Variants in TTC7A observed in about 807,000 individuals in gnomAD.
TTC7A encodes tetratricopeptide repeat protein 7A.
TTC7A carries 110 observed loss-of-function variants against 103.7 expected under a neutral mutation model. That is an observed-to-expected ratio of 1.06 (90% CI 0.91 to 1.24). The LOEUF (loss-of-function observed/expected upper bound fraction) is 1.24, where lower values mean the gene tolerates loss of function less well. Ranked by LOEUF, TTC7A falls within the 50% of genes most tolerant of loss-of-function variation. The pLI, the probability that TTC7A is intolerant of heterozygous loss-of-function variation, is 0.00. For missense variants in TTC7A, 1,340 were observed against 1,116.3 expected, an observed-to-expected ratio of 1.20 and a Z score of -2.86; for synonymous variants, 521 against 467.9, an observed-to-expected ratio of 1.11 and a Z score of -1.47.
intron 3 of TTC7A, among the ~76,000 whole-genome samples, chr2:46,963,081 C>T (rs141171962): frequency 4.9e-4 from 74 of 152,328 alleles, no homozygotes; most frequent in African/African-American, 1.8e-3. Context: ...ACCCCTGGCT[C>T]TCTCGCAGTG....
At chr2:47,032,330 T>C (rs1433956010) in intron 15 of TTC7A, among the ~76,000 whole-genome samples, 1 of 152,222 alleles carries the variant, frequency 6.6e-6, no homozygotes, top group African/African-American at 2.4e-5. Context: ...CTGTGCTGGT[T>C]GTCAATGTGC....
At chr2:46,957,247 T>A (rs1175597690) in intron 3 of TTC7A, among the ~76,000 whole-genome samples, 1 of 152,262 alleles carries the variant, frequency 6.6e-6, no homozygotes, top group African/African-American at 2.4e-5. Flanking sequence ...CCCTACTTTG[T>A]GTACCCTTGG....
At chr2:47,006,336 A>C (rs1677378285) in intron 9 of TTC7A, among the ~76,000 whole-genome samples, 1 of 152,248 alleles carries the variant, frequency 6.6e-6, no homozygotes, top group Admixed American at 6.5e-5. Context: ...TTTTTATTAC[A>C]TGTCTACGTT....
At chr2:47,000,782 G>T (rs1209368847) in intron 8 of TTC7A, among the ~76,000 whole-genome samples, 1 of 152,214 alleles carries the variant, frequency 6.6e-6, no homozygotes, top group East Asian at 1.9e-4. Flanking sequence ...CCAATGGAGA[G>T]CCTGTTTTTG....
Position 46,923,988 on chromosome 2 carries a change from G to C in TTC7A, c.82+6711G>C, listed in dbSNP as rs1669251524. ...TGACCTCAGGTGATCCACCCGCCTCGGCCTCCCAAAGTGCTGGGATTACAG... is the reference window on the plus strand; with the variant it reads ...TGACCTCAGGTGATCCACCCGCCTCCGCCTCCCAAAGTGCTGGGATTACAG... On this transcript the variant is annotated intron_variant, in intron 2 of 20. Coordinates refer to the TTC7A transcript ENST00000409245. Among the ~76,000 whole-genome samples, 3 of 151,822 alleles carry C rather than the reference G, an allele frequency of 2.0e-5. No individual in the cohort carries two copies. The South Asian group carries it at 6.2e-4, about 32-fold the overall frequency.
At chr2:47,026,005 A>G (rs1021481976) in intron 14 of TTC7A, among the ~76,000 whole-genome samples, 26 of 152,206 alleles carry the variant, frequency 1.7e-4, no homozygotes, top group Admixed American at 1.5e-3. Flanking sequence ...TCAGTTATTC[A>G]TCCCTCTCTG....
At chr2:46,956,596 A>G (rs1481932216) in intron 2 of TTC7A, 4 of 524,392 alleles carry the variant, frequency 7.6e-6, no homozygotes, top group Non-Finnish European at 1.4e-5. Flanking sequence ...GGGGCATAAA[A>G]CGCACACACA....
At chr2:46,974,610 G>C (rs1452343986) in intron 3 of TTC7A, 2 of 454,314 alleles carry the variant, frequency 4.4e-6, no homozygotes, top group Admixed American at 4.7e-5. Flanking sequence ...TAGGAAATGG[G>C]GAACTAGGGA....
chr2:46,997,910 C>T (rs891007012), intron 8 of TTC7A, among the ~76,000 whole-genome samples: 1 of 152,152 alleles, frequency 6.6e-6, no homozygotes, highest in African/African-American at 2.4e-5. Flanking sequence ...ACCCCCAAAC[C>T]CTCCAAGTGG....
chr2:46,977,238 G>T (rs1673969266), intron 4 of TTC7A, among the ~76,000 whole-genome samples: 1 of 152,196 alleles, frequency 6.6e-6, no homozygotes, highest in Non-Finnish European at 1.5e-5. Context: ...CCCTATAGTT[G>T]TTATCTAAGT....
chr2:47,002,276 G>A (rs72872923), intron 8 of TTC7A, among the ~76,000 whole-genome samples: 1 of 152,184 alleles, frequency 6.6e-6, no homozygotes, highest in Non-Finnish European at 1.5e-5. Context: ...GCAGCCTTGG[G>A]GTGGGTGTGG....
intron 19 of TTC7A, among the ~76,000 whole-genome samples, chr2:47,061,381 A>G (rs1683769487): frequency 6.6e-6 from 1 of 151,136 alleles, no homozygotes; most frequent in African/African-American, 2.4e-5. Context: ...GAGTCCCCAG[A>G]CCCTCCCTGT....
At chr2:47,062,113 G>C (rs114500123) in intron 19 of TTC7A, among the ~76,000 whole-genome samples, 26 of 152,330 alleles carry the variant, frequency 1.7e-4, no homozygotes, top group African/African-American at 6.0e-4. Flanking sequence ...CAGGGAGTTA[G>C]ATTTCAGCCA....
intron 17 of TTC7A, 182 bp downstream of exon 17, chr2:47,050,228 G>T: frequency 1.7e-6 from 1 of 602,308 alleles, no homozygotes; most frequent in Admixed American, 2.7e-5. Context: ...CTGGCTGCTG[G>T]TCCCACAGTG....
chr2:46,925,886 C>G (rs1232767415), intron 2 of TTC7A, among the ~76,000 whole-genome samples: 1 of 152,180 alleles, frequency 6.6e-6, no homozygotes, highest in Non-Finnish European at 1.5e-5. Flanking sequence ...TTCTTAAAAA[C>G]CATTCTGCCT....
chr2:46,996,832 T>G (rs1279315489), intron 8 of TTC7A, among the ~76,000 whole-genome samples: 1 of 152,200 alleles, frequency 6.6e-6, no homozygotes, highest in Admixed American at 6.5e-5. Context: ...ACAGACTGAA[T>G]CCTAGTTTTG....
At chr2:46,932,499 T>C (rs1669757071) in intron 2 of TTC7A, among the ~76,000 whole-genome samples, 1 of 152,168 alleles carries the variant, frequency 6.6e-6, no homozygotes, top group Non-Finnish European at 1.5e-5. Context: ...GTTTGCTGTA[T>C]AATGATTACA....
intron 4 of TTC7A, among the ~76,000 whole-genome samples, chr2:46,975,824 C>T (rs548930817): frequency 6.6e-6 from 1 of 152,108 alleles, no homozygotes; most frequent in Non-Finnish European, 1.5e-5. Flanking sequence ...GTAACCTCCA[C>T]CTCCTGGGTT....
At chr2:47,020,911 C>T (rs989713696) in intron 11 of TTC7A, among the ~76,000 whole-genome samples, 6 of 152,208 alleles carry the variant, frequency 3.9e-5, no homozygotes, top group Non-Finnish European at 7.3e-5. Context: ...GGGCTAGAAG[C>T]CAACTTGGGT....
Sources: gnomAD v4.1 joint callset for allele counts (sites outside exome capture counted in the v4.1 genomes callset) on GRCh38, gnomAD v4.1.1 for gene constraint, MANE v1.5 for transcripts, NCBI Gene and HGNC (gene_info 2026-07-23, HGNC 2026-07-21) for gene names.